The following SAMD5 variants were observed in gnomAD, a reference collection of about 807,000 sequenced individuals.
SAMD5 encodes the protein sterile alpha motif domain-containing protein 5.
In SAMD5, 13 loss-of-function variants were observed where a neutral mutation model predicts 11.3. The ratio of observed to expected loss-of-function variants is 1.15; its 90% CI spans 0.75 to 1.83. The LOEUF (loss-of-function observed/expected upper bound fraction) is 1.83. Among genes scored for constraint, SAMD5 ranks in the 40% most tolerant of loss-of-function variants. The pLI is 0.00. For missense variants in SAMD5, 255 were observed against 239.1 expected (o/e 1.07, Z -0.44); for synonymous variants, 129 against 111.3 (o/e 1.16, Z -1.00).
intron 1 of SAMD5, among the ~76,000 whole-genome samples, chr6:147,696,699 G>T (rs1031495797): frequency 2.0e-5 from 3 of 152,132 alleles, no homozygotes; most frequent in African/African-American, 7.2e-5. Flanking sequence ...TGTTAGCTGA[G>T]TGACTTTGGG....
intron 1 of SAMD5, among the ~76,000 whole-genome samples, chr6:147,656,925 T>C (rs796451789): frequency 6.6e-6 from 1 of 151,852 alleles, no homozygotes; most frequent in African/African-American, 2.4e-5. Flanking sequence ...TGTGTGTGTG[T>C]GTGTGTGTAT....
the SAMD5 span, among the ~76,000 whole-genome samples, chr6:147,785,913 C>T: frequency 2.0e-5 from 3 of 152,116 alleles, no homozygotes; most frequent in South Asian, 2.1e-4. Flanking sequence ...ATACAACAAT[C>T]GCTTCTTGAA....
chr6:147,667,441 G>A (rs1252679512), intron 1 of SAMD5, among the ~76,000 whole-genome samples: 2 of 152,096 alleles, frequency 1.3e-5, no homozygotes, highest in Non-Finnish European at 2.9e-5. Context: ...AGACTTAATG[G>A]CAAAGCCTGG....
intron 1 of SAMD5, among the ~76,000 whole-genome samples, chr6:147,630,952 C>T (rs7454988): frequency 0.17 from 25,663 of 152,078 alleles, 2,685 homozygotes; most frequent in East Asian, 0.31. Context: ...CTTGATTATT[C>T]ACCCATGTTT....
chr6:147,661,329 C>T (rs1790645940), intron 1 of SAMD5, among the ~76,000 whole-genome samples: 1 of 152,096 alleles, frequency 6.6e-6, no homozygotes. Context: ...CGTAAAATAT[C>T]TGGGAAAACA....
chr6:147,946,678 T>G, the SAMD5 span, among the ~76,000 whole-genome samples: 1 of 152,240 alleles, frequency 6.6e-6, no homozygotes, highest in African/African-American at 2.4e-5. Context: ...TAATTTCTAG[T>G]GCACAGTTTC....
chr6:147,604,846 T>C (rs770334194), intron 1 of SAMD5, among the ~76,000 whole-genome samples: 4 of 152,210 alleles, frequency 2.6e-5, no homozygotes, highest in Non-Finnish European at 4.4e-5. Context: ...GTATACCTTA[T>C]TGGATTGCTG....
chr6:147,936,619 C>T, the SAMD5 span, among the ~76,000 whole-genome samples: 2 of 152,114 alleles, frequency 1.3e-5, no homozygotes, highest in African/African-American at 4.8e-5. Flanking sequence ...TTCAATTCAA[C>T]ATGAGATTTG....
At chr6:147,921,286 C>CACACACACACAG in the SAMD5 span, among the ~76,000 whole-genome samples, 1 of 151,316 alleles carries the variant, frequency 6.6e-6, no homozygotes. Flanking sequence ...CACACACACA[C>CACACACACACAG]ACACACACAC....
chr6:147,527,074 G>A (rs1788354107), intron 1 of SAMD5, among the ~76,000 whole-genome samples: 1 of 152,150 alleles, frequency 6.6e-6, no homozygotes, highest in African/African-American at 2.4e-5. Context: ...CAGCTTTGAA[G>A]CTTTGGATTG....
chr6:147,585,904 C>T (rs778747298), intron 1 of SAMD5, among the ~76,000 whole-genome samples: 9 of 152,004 alleles, frequency 5.9e-5, no homozygotes, highest in Non-Finnish European at 1.0e-4. Context: ...GACATAAATC[C>T]TGTTGAAAGC....
At chr6:147,760,433 G>A in the SAMD5 span, among the ~76,000 whole-genome samples, 8 of 152,056 alleles carry the variant, frequency 5.3e-5, no homozygotes, top group Admixed American at 5.2e-4. Context: ...AAAAACTGTA[G>A]ATAAAAGGAA....
the SAMD5 span, among the ~76,000 whole-genome samples, chr6:147,907,541 A>G: frequency 4.6e-5 from 7 of 152,218 alleles, no homozygotes; most frequent in Non-Finnish European, 1.0e-4. Flanking sequence ...TGTGCTTGGT[A>G]GGTGATATGG....
chr6:147,599,812 A>G (rs1583101436), intron 1 of SAMD5, among the ~76,000 whole-genome samples: 1 of 152,186 alleles, frequency 6.6e-6, no homozygotes, highest in East Asian at 1.9e-4. Flanking sequence ...TATTCATGTA[A>G]AAGTGTTATT....
At chr6:147,775,511 T>C in the SAMD5 span, among the ~76,000 whole-genome samples, 1 of 152,212 alleles carries the variant, frequency 6.6e-6, no homozygotes, top group Admixed American at 6.5e-5. Flanking sequence ...TCTCTCCTTG[T>C]CTTACCTCTG....
the SAMD5 span, among the ~76,000 whole-genome samples, chr6:147,756,685 A>T: frequency 1.3e-5 from 2 of 152,194 alleles, no homozygotes; most frequent in African/African-American, 4.8e-5. Context: ...AATTGACATT[A>T]ATGTCCTTAT....
chr6:147,539,215 G>C (rs184716312), intron 1 of SAMD5, among the ~76,000 whole-genome samples: 26 of 152,268 alleles, frequency 1.7e-4, no homozygotes, highest in African/African-American at 5.5e-4. Context: ...GTGCGGTGCA[G>C]CTACTCTGCA....
At position 147,565,707 on chromosome 6, in the gene SAMD5, G is replaced by A. The variant is rs561804730; in HGVS notation, c.*1251G>A. On this transcript the variant is annotated 3_prime_UTR_variant, in exon 2 of 2. Coordinates refer to ENST00000367474, the MANE Select transcript of SAMD5 (RefSeq NM_001030060.3). ...ACTCCTGGCCTCAAATGATCCACTC[G>A]CCGTGGCCTCCAGTAGCGCTGGGAT... 818 of 908,046 alleles carry A rather than the reference G, an allele frequency of 9.0e-4. 1 individual carries two copies. Among genetic ancestry groups the A allele is most frequent in the Admixed American group, 1.9e-3 (31 of 16,172 alleles). 56.2% of individuals were successfully genotyped at this position (908,046 alleles called of 1,614,324 possible).
chr6:147,777,184 C>T, the SAMD5 span, among the ~76,000 whole-genome samples: 1 of 152,008 alleles, frequency 6.6e-6, no homozygotes, highest in Non-Finnish European at 1.5e-5. Context: ...TTTTCTCTTG[C>T]ACTTTCTGCT....
Sources: gnomAD v4.1 joint callset for allele counts (sites outside exome capture counted in the v4.1 genomes callset) on GRCh38, gnomAD v4.1.1 for gene constraint, MANE v1.5 for transcripts, NCBI Gene and HGNC (gene_info 2026-07-23, HGNC 2026-07-21) for gene names.